The following NUP214 variants were observed in gnomAD, a reference collection of about 807,000 sequenced individuals.
NUP214 encodes nuclear pore complex protein Nup214.
In NUP214, 79 loss-of-function variants were observed where a neutral mutation model predicts 196.2. The ratio of observed to expected loss-of-function variants is 0.40; its 90% CI spans 0.34 to 0.49. NUP214 has a LOEUF of 0.49. Ranked by LOEUF, NUP214 falls within the 20% of genes least tolerant of loss-of-function variation. The pLI is 0.58. For synonymous variants in NUP214, 1,020 were observed against 990.5 expected (o/e 1.03, Z -0.56); for missense variants, 2,468 against 2,539.0 (o/e 0.97, Z 0.60).
At chr9:131,218,763 T>C (rs577554912) in intron 31 of NUP214, among the ~76,000 whole-genome samples, 7 of 152,200 alleles carry the variant, frequency 4.6e-5, no homozygotes, top group Non-Finnish European at 1.0e-4. Context: ...CCACTGACTA[T>C]AGGATAAAGA....
rs1831454267 is a variant in NUP214, at chr9:131,129,239, T to C, written c.394-40T>C. On this transcript the variant is annotated intron_variant, in intron 3 of 35. Transcript: ENST00000359428. ...ATATTAAATGTTTCTGCATTTACTA[T>C]TTGTTAACTTATTTCACTTTTGCAT... is the stretch of plus-strand genomic sequence containing the variant. The C allele has an allele frequency of 2.0e-6, 3 of 1,525,726 alleles. No individual in the cohort carries two copies. In the African/African-American group the frequency reaches 4.1e-5, roughly 21 times the overall value. 94.5% of individuals were successfully genotyped at this position (1,525,726 alleles called of 1,614,324 possible).
chr9:131,168,421 C>G (rs1245281473), intron 21 of NUP214, among the ~76,000 whole-genome samples: 1 of 152,150 alleles, frequency 6.6e-6, no homozygotes, highest in Non-Finnish European at 1.5e-5. Context: ...GTGCTTTTTA[C>G]TAAGTTTACA....
At chr9:131,184,976 T>C (rs573710503) in intron 24 of NUP214, among the ~76,000 whole-genome samples, 1 of 152,376 alleles carries the variant, frequency 6.6e-6, no homozygotes, top group Admixed American at 6.5e-5. Context: ...TATGAGTATG[T>C]ATGAAAAGAT....
At chr9:131,178,608 C>T (rs373532507) in intron 24 of NUP214, among the ~76,000 whole-genome samples, 198 bp downstream of exon 24, 1 of 152,220 alleles carries the variant, frequency 6.6e-6, no homozygotes, top group African/African-American at 2.4e-5. Context: ...TGACAGTTGC[C>T]TCACAAACTT....
Position 131,144,432 on chromosome 9 carries a change from T to G in NUP214, c.1447T>G (p.Ser483Ala). The change falls in exon 12 of 36, where the codon TCC (serine) becomes GCC (alanine). Residue 483 changes from serine (S) to alanine (A), a missense_variant. Transcript: ENST00000359428. ...TGCTGGTGGAGCCCCCACTGTGTTC[T>G]CCTTTGGTTCTTCATCTTTGAAGTC... ...LPAGGAPTVF[S>A]FGSSSLKSSA... The G allele has an allele frequency of 6.2e-7, 1 of 1,614,184 alleles. No homozygotes were observed. The highest frequency in any genetic ancestry group is 8.5e-7 in the Non-Finnish European group (1 of 1,180,010).
intron 17 of NUP214, among the ~76,000 whole-genome samples, chr9:131,156,293 C>G (rs753918342): frequency 6.6e-6 from 1 of 151,890 alleles, no homozygotes; most frequent in Non-Finnish European, 1.5e-5. Flanking sequence ...CCACCACGCC[C>G]GGCTAATTTT....
At chr9:131,199,084 A>G (rs564892637) in intron 29 of NUP214, 69 bp downstream of exon 29, 2 of 1,503,980 alleles carry the variant, frequency 1.3e-6, no homozygotes, top group African/African-American at 1.4e-5. Flanking sequence ...ACAGACCCCT[A>G]TTACTTTTGT....
At chr9:131,215,074 G>T in intron 30 of NUP214, 138 bp from the exon 31 acceptor site, 2 of 658,634 alleles carry the variant, frequency 3.0e-6, no homozygotes, top group Admixed American at 3.5e-5. Flanking sequence ...CTTTTGTGGT[G>T]GTTAGAGCAT....
Position 131,215,249 on chromosome 9 carries a change from G to C in NUP214, c.5630G>C (p.Gly1877Ala), listed in dbSNP as rs760510734. Residue 1877 changes from glycine (G) to alanine (A), a missense_variant, in exon 31 of 36, where the codon GGA (glycine) becomes GCA (alanine). By Grantham distance (60) the Gly-to-Ala change is moderately conservative. Around this residue, in one of 5 missense-constraint regions of NUP214, gnomAD observed 262 missense variants for 296.5 expected, o/e 0.88. Coordinates refer to ENST00000359428, the MANE Select transcript of NUP214 (RefSeq NM_005085.4). ...TCCAGTGGTAGCGTGTTTGGGTCTG[G>C]AAACACTGGAAGAGGGGGAGGTTTC... ...SSSSGSVFGS[G>A]NTGRGGGFFS... 12 of 1,596,038 alleles carry C rather than the reference G, an allele frequency of 7.5e-6. No homozygotes were observed. Among genetic ancestry groups the C allele is most frequent in the Non-Finnish European group, 7.7e-6 (9 of 1,171,710 alleles).
chr9:131,230,624 G>C lies in NUP214; in HGVS notation c.6075-6G>C. On this transcript the variant is annotated splice_region_variant and splice_polypyrimidine_tract_variant and intron_variant, in intron 33 of 35. Transcript: ENST00000359428. Reference sequence around the variant, plus strand: ...TGACCTCAGTCTGTTTCTCACTGGAGCGCAGGTTTGGGAGCAGCAGCAACA... The same window carrying C: ...TGACCTCAGTCTGTTTCTCACTGGACCGCAGGTTTGGGAGCAGCAGCAACA... The C allele has an allele frequency of 6.2e-7, 1 of 1,613,906 alleles. No homozygotes were observed. Among genetic ancestry groups the C allele is most frequent in the South Asian group, 1.1e-5 (1 of 91,064 alleles).
At position 131,161,693 on chromosome 9, in the gene NUP214, T is replaced by C. The variant is rs1403319938; in HGVS notation, c.2541-1298T>C. Among the ~76,000 whole-genome samples, 7 of 152,232 alleles carry C rather than the reference T, an allele frequency of 4.6e-5. No individual in the cohort carries two copies. In the South Asian group the frequency reaches 8.3e-4, roughly 18 times the overall value. Reference sequence around the variant, plus strand: ...TTTCTGTTTAGCAAGCATTTTTCATTCCATGATTTGTGTTGAGGCAAAATA... The same window carrying C: ...TTTCTGTTTAGCAAGCATTTTTCATCCCATGATTTGTGTTGAGGCAAAATA... On this transcript the variant is annotated intron_variant, in intron 18 of 35. Coordinates refer to ENST00000359428, the MANE Select transcript of NUP214 (RefSeq NM_005085.4).
At chr9:131,150,862 C>T (rs1054919838) in intron 16 of NUP214, 97 bp downstream of exon 16, 1 of 1,201,868 alleles carries the variant, frequency 8.3e-7, no homozygotes, top group Non-Finnish European at 1.2e-6. Context: ...TCTTCAAGGA[C>T]CACCAGTGTT....
chr9:131,193,875 T>A (rs1833697148), intron 27 of NUP214: 1 of 151,514 alleles, frequency 6.6e-6, no homozygotes, highest in Admixed American at 6.6e-5. Flanking sequence ...GGTCTTGAAC[T>A]CCTGGCCTCA....
At chr9:131,223,742 T>TATTTATTTA (rs1564219858) in intron 32 of NUP214, among the ~76,000 whole-genome samples, 2 of 52,558 alleles carry the variant, frequency 3.8e-5, no homozygotes, top group African/African-American at 1.1e-4. Context: ...TTTTTTTTTT[T>TATTTATTTA]TTTTTTTTTT....
intron 2 of NUP214, among the ~76,000 whole-genome samples, chr9:131,128,027 T>C (rs545406990): frequency 1.3e-5 from 2 of 152,308 alleles, no homozygotes; most frequent in South Asian, 2.1e-4. Context: ...GGGTTTTCAG[T>C]TGGCACAACA....
intron 13 of NUP214, among the ~76,000 whole-genome samples, 200 bp from the exon 14 acceptor site, chr9:131,147,290 T>C (rs747677255): frequency 6.6e-6 from 1 of 152,148 alleles, no homozygotes; most frequent in Non-Finnish European, 1.5e-5. Context: ...ACCTGGCTCC[T>C]AAAATTTTAA....
chr9:131,163,302 G>A, intron 19 of NUP214, 129 bp downstream of exon 19: 1 of 880,850 alleles, frequency 1.1e-6, no homozygotes, highest in Non-Finnish European at 1.7e-6. Context: ...CCTGGTCAGG[G>A]TCCCACCCTC....
At position 131,178,225 on chromosome 9, in the gene NUP214, G is replaced by A. The variant is rs1449580677; in HGVS notation, c.3320-86G>A. The A allele has an allele frequency of 3.1e-6, 3 of 972,612 alleles. No individual in the cohort carries two copies. In the South Asian group the frequency reaches 4.2e-5, roughly 14 times the overall value. 60.2% of individuals were successfully genotyped at this position (972,612 alleles called of 1,614,324 possible). ...AAGGCTCTAATCTGCTTGGGCTCATGTCTTGGTTTTTCATTTATATGTGGC... is the reference window on the plus strand; with the variant it reads ...AAGGCTCTAATCTGCTTGGGCTCATATCTTGGTTTTTCATTTATATGTGGC... On this transcript the variant is annotated intron_variant, in intron 23 of 35. Coordinates refer to ENST00000359428, the MANE Select transcript of NUP214 (RefSeq NM_005085.4).
chr9:131,126,092 G>T (rs1007392214), intron 1 of NUP214: 15 of 318,588 alleles, frequency 4.7e-5, no homozygotes, highest in Non-Finnish European at 6.4e-5. Context: ...TAACGTAGAG[G>T]AGTAAGTTGA....
Sources: gnomAD v4.1 joint callset for allele counts (sites outside exome capture counted in the v4.1 genomes callset) on GRCh38, gnomAD v4.1.1 for gene constraint, gnomAD v4.1.1 regional missense constraint, MANE v1.5 for transcripts, NCBI Gene and HGNC (gene_info 2026-07-23, HGNC 2026-07-21) for gene names.